The following TRIO variants were observed in gnomAD, a reference collection of about 807,000 sequenced individuals.
TRIO encodes the protein trio Rho guanine nucleotide exchange factor, also known as triple functional domain protein.
In TRIO, 58 loss-of-function variants were observed where a neutral mutation model predicts 351.9. The ratio of observed to expected loss-of-function variants is 0.16; its 90% CI spans 0.13 to 0.21. TRIO has a LOEUF of 0.21. TRIO is among the 10% of genes least tolerant of loss of function. The pLI is 1.00. For synonymous variants in TRIO, 1,758 were observed against 1,595.7 expected (o/e 1.10, Z -2.42); for missense variants, 3,201 against 4,027.8 (o/e 0.79, Z 5.56).
At chr5:14,323,739 C>T (rs1041345595) in intron 9 of TRIO, among the ~76,000 whole-genome samples, 3 of 152,132 alleles carry the variant, frequency 2.0e-5, no homozygotes, top group Non-Finnish European at 2.9e-5. Context: ...GAGTAAAGTA[C>T]GCCAGAGCAC....
chr5:14,261,088 G>A (rs1321548467), intron 1 of TRIO, among the ~76,000 whole-genome samples: 4 of 152,172 alleles, frequency 2.6e-5, no homozygotes, highest in Non-Finnish European at 5.9e-5. Flanking sequence ...TTTTAGGGCC[G>A]GCAGGAGGTA....
Position 14,316,693 on chromosome 5 carries a change from C to T in TRIO, c.1681C>T (p.Arg561Trp), listed in dbSNP as rs761067835. The change falls in exon 9 of 57, where the codon CGG (arginine) becomes TGG (tryptophan). Residue 561 changes from arginine (R) to tryptophan (W), a missense_variant. By Grantham distance (101) the Arg-to-Trp change is moderately radical. Around this residue, in one of 19 missense-constraint regions of TRIO, gnomAD observed 349 missense variants for 449.3 expected, o/e 0.78. Coordinates refer to ENST00000344204, the MANE Select transcript of TRIO (RefSeq NM_007118.4). Reference protein sequence around the residue: ...LENIWQHRKVRLHQRLQLCVF... With the variant: ...LENIWQHRKVWLHQRLQLCVF... ...GAACATCTGGCAACACCGCAAGGTC[C>T]GGCTGCATCAGAGGCTGCAGCTGTG... The T allele has an allele frequency of 5.0e-6, 8 of 1,614,044 alleles. No homozygotes were observed. Among genetic ancestry groups the T allele is most frequent in the Admixed American group, 3.3e-5 (2 of 60,012 alleles).
chr5:14,388,122 T>A (rs767172551), intron 23 of TRIO, among the ~76,000 whole-genome samples: 5 of 152,184 alleles, frequency 3.3e-5, no homozygotes, highest in Admixed American at 2.0e-4. Context: ...GGAGAGGAAA[T>A]TAATAGTTTT....
At chr5:14,207,409 C>T (rs384208) in intron 1 of TRIO, among the ~76,000 whole-genome samples, 1,088 of 51,802 alleles carry the variant, frequency 0.021, 385 homozygotes, top group Non-Finnish European at 0.047. Flanking sequence ...CACACACACA[C>T]ACACACACAC....
rs1280578672 is a variant in TRIO, at chr5:14,290,910, G to A, written c.735G>A (p.Glu245=). The change falls in exon 5 of 57, where the codon GAG becomes GAA. Residue 245 remains glutamate (E), a synonymous_variant. Coordinates refer to ENST00000344204, the MANE Select transcript of TRIO (RefSeq NM_007118.4). ...EELQDILAKK[E]LPQDLEGARN... The stretch of plus-strand genomic sequence containing the variant: ...TTCAGGACATCCTAGCTAAGAAGGA[G>A]CTGCCTCAGGATTTAGAGGGGGCTC... 1.2e-6 allele frequency: 2 copies of A among 1,614,194 alleles called. No homozygotes were observed. The highest frequency in any genetic ancestry group is 8.5e-7 in the Non-Finnish European group (1 of 1,180,030).
At chr5:14,408,497 A>T (rs1748911792) in intron 33 of TRIO, among the ~76,000 whole-genome samples, 1 of 152,260 alleles carries the variant, frequency 6.6e-6, no homozygotes, top group Admixed American at 6.5e-5. Flanking sequence ...AAAAGAAATA[A>T]GATAAATGAC....
chr5:14,199,070 T>C (rs1207085766), intron 1 of TRIO, among the ~76,000 whole-genome samples: 1 of 151,836 alleles, frequency 6.6e-6, no homozygotes, highest in Admixed American at 6.6e-5. Flanking sequence ...AAACCCTGTC[T>C]CTACAAAAAT....
chr5:14,385,131 G>C (rs1320410435), intron 21 of TRIO, among the ~76,000 whole-genome samples: 4 of 152,178 alleles, frequency 2.6e-5, no homozygotes, highest in African/African-American at 9.7e-5. Context: ...TGGGGGAGTG[G>C]AGCAGGGCAG....
At chr5:14,359,310 T>C (rs543002288) in intron 12 of TRIO, 47 bp from the exon 13 acceptor site, 22 of 1,587,060 alleles carry the variant, frequency 1.4e-5, no homozygotes, top group East Asian at 4.5e-5. Flanking sequence ...TATCTAACAA[T>C]GTGTGACTTT....
At chr5:14,256,388 C>T (rs1795021990) in intron 1 of TRIO, among the ~76,000 whole-genome samples, 1 of 152,124 alleles carries the variant, frequency 6.6e-6, no homozygotes, top group African/African-American at 2.4e-5. Flanking sequence ...TTGGAGGGAA[C>T]AAAACATCCA....
chr5:14,348,324 C>T (rs1439762115), intron 11 of TRIO, among the ~76,000 whole-genome samples: 2 of 152,236 alleles, frequency 1.3e-5, no homozygotes, highest in African/African-American at 4.8e-5. Flanking sequence ...TTTATACACT[C>T]TTTAGACTTC....
intron 34 of TRIO, among the ~76,000 whole-genome samples, chr5:14,440,459 C>G (rs1472566207): frequency 6.6e-6 from 1 of 152,184 alleles, no homozygotes; most frequent in Non-Finnish European, 1.5e-5. Context: ...CATATGGAAA[C>G]TTTCAAAGAG....
rs377745794 is a variant in TRIO, at chr5:14,297,094, G to A, written c.1199G>A (p.Arg400His). ...CAGAACGTGTATGTAAATATAAACC[G>A]CATCATGTCGGTGGCCAATCGTCTG... ...NCMNVYVNIN[R>H]IMSVANRLVE... The change falls in exon 7 of 57, where the codon CGC becomes CAC. Residue 400 changes from arginine (R) to histidine (H), a missense_variant. Transcript: ENST00000344204. The A allele has an allele frequency of 1.1e-5, 18 of 1,613,134 alleles. No homozygotes were observed. Among genetic ancestry groups the A allele is most frequent in the African/African-American group, 5.3e-5 (4 of 74,896 alleles).
At chr5:14,324,478 G>A (rs367867535) in intron 9 of TRIO, among the ~76,000 whole-genome samples, 2 of 152,190 alleles carry the variant, frequency 1.3e-5, no homozygotes, top group East Asian at 3.8e-4. Context: ...AGAATTACCT[G>A]TAAAAACAAA....
chr5:14,353,162 T>C (rs2152332509), intron 11 of TRIO, among the ~76,000 whole-genome samples: 1 of 152,282 alleles, frequency 6.6e-6, no homozygotes, highest in South Asian at 2.1e-4. Flanking sequence ...AAAACTGTGA[T>C]CTTTCTTATT....
chr5:14,178,312 T>C (rs544660819), intron 1 of TRIO, among the ~76,000 whole-genome samples: 89 of 152,320 alleles, frequency 5.8e-4, no homozygotes, highest in African/African-American at 2.0e-3. Flanking sequence ...ATGAATAATA[T>C]TCAAATTTAC....
At chr5:14,437,686 A>ACCCCC (rs1164194119) in intron 34 of TRIO, among the ~76,000 whole-genome samples, 13 of 99,322 alleles carry the variant, frequency 1.3e-4, no homozygotes, top group African/African-American at 5.4e-4. Context: ...GATGAGGACC[A>ACCCCC]CCCCCCCCGC....
rs1021349420 is a variant in TRIO, at chr5:14,481,484, C to T, written c.6388-57C>T. 2.6e-5 allele frequency: 42 copies of T among 1,590,090 alleles called. 1 individual carries two copies. The highest frequency in any genetic ancestry group is 1.8e-4 in the South Asian group (16 of 90,484). On this transcript the variant is annotated intron_variant, in intron 44 of 56. Coordinates refer to ENST00000344204, the MANE Select transcript of TRIO (RefSeq NM_007118.4). ...ACTTCATCAGGTCAGAGGGTGAGCA[C>T]GTCAGATTTTCCCTAGAGGAACTTG... is the stretch of plus-strand genomic sequence containing the variant.
intron 1 of TRIO, among the ~76,000 whole-genome samples, chr5:14,210,687 A>T (rs546562584): frequency 1.3e-5 from 2 of 152,238 alleles, no homozygotes; most frequent in Non-Finnish European, 2.9e-5. Context: ...TTATTTCAAC[A>T]TGAATCATAG....
Sources: allele counts gnomAD v4.1 joint callset (sites outside exome capture counted in the v4.1 genomes callset), GRCh38; gene constraint gnomAD v4.1.1; regional missense constraint gnomAD v4.1.1; transcripts MANE v1.5; gene names NCBI Gene and HGNC (gene_info 2026-07-23, HGNC 2026-07-21).